Variants in ZNF667 observed in about 807,000 individuals in gnomAD.
ZNF667 encodes the protein zinc finger protein 667.
A neutral mutation model predicts 31.8 loss-of-function variants in ZNF667; 13 were observed. The ratio of observed to expected loss-of-function variants is 0.41; its 90% CI spans 0.27 to 0.65. ZNF667 has a LOEUF of 0.65. Ranked by LOEUF, ZNF667 falls within the 30% of genes least tolerant of loss-of-function variation. The pLI, the probability that ZNF667 is intolerant of heterozygous loss-of-function variation, is 0.32. For missense variants in ZNF667, 642 were observed against 725.6 expected (o/e 0.88, Z 1.32); for synonymous variants, 228 against 247.1 (o/e 0.92, Z 0.73).
chr19:56,446,560 C>G (rs2042714857), intron 6 of ZNF667, among the ~76,000 whole-genome samples: 1 of 152,182 alleles, frequency 6.6e-6, no homozygotes, highest in Non-Finnish European at 1.5e-5. Context: ...AGTATATGAC[C>G]TGTTCACCTT....
Position 56,441,200 on chromosome 19 carries a change from T to G in ZNF667, c.1795A>C (p.Ile599Leu). The part of the protein sequence containing the change: ...GKAYSRSSSL[I>L]RHQNTHSEEK... ...TCAGAATGTGTATTCTGATGTCGAA[T>G]CAGGGATGAACTCCGACTATATGCC... The change falls in exon 7 of 7, where the codon ATT becomes CTT. Residue 599 changes from isoleucine to leucine, a missense_variant. Ile to Leu is a conservative substitution (Grantham distance 5). Coordinates refer to ENST00000504904, the MANE Select transcript of ZNF667 (RefSeq NM_001321356.2). The surrounding 1 kb of genome is among the most constrained non-coding windows in gnomAD (Gnocchi z 4.2). The G allele has an allele frequency of 6.2e-7, 1 of 1,613,212 alleles. No individual in the cohort carries two copies. The highest frequency in any genetic ancestry group is 2.2e-5 in the East Asian group (1 of 44,848).
chr19:56,455,550 T>C (rs1023009333), intron 6 of ZNF667, among the ~76,000 whole-genome samples: 4 of 152,172 alleles, frequency 2.6e-5, no homozygotes, highest in East Asian at 3.9e-4. Context: ...TCTCACTCAT[T>C]TGTGGGAGCT....
At chr19:56,442,770 C>A in intron 6 of ZNF667, 29 bp from the exon 7 acceptor site, 1 of 1,494,780 alleles carries the variant, frequency 6.7e-7, no homozygotes. Context: ...TTAAATGTTT[C>A]TCCTTTTCCA....
intron 6 of ZNF667, among the ~76,000 whole-genome samples, chr19:56,454,640 T>C (rs997967192): frequency 3.4e-5 from 4 of 118,530 alleles, no homozygotes; most frequent in Middle Eastern, 5.4e-3. Context: ...CAGAAGACAC[T>C]AGACTCCAAT....
At chr19:56,470,081 A>C (rs941533655) in intron 3 of ZNF667, 2 of 455,146 alleles carry the variant, frequency 4.4e-6, no homozygotes, top group African/African-American at 4.0e-5. Flanking sequence ...ACCTTGGGCA[A>C]GTTACTGAAC....
chr19:56,441,677 C>G lies in ZNF667; in HGVS notation c.1318G>C (p.Glu440Gln). 1 of 1,614,096 alleles carries G rather than the reference C, an allele frequency of 6.2e-7. No homozygotes were observed. Among genetic ancestry groups the G allele is most frequent in the Non-Finnish European group, 8.5e-7 (1 of 1,180,028 alleles). Residue 440 changes from glutamate to glutamine, a missense_variant, in exon 7 of 7, where the codon GAG becomes CAG. Transcript: ENST00000504904. The surrounding 1 kb of genome is among the most constrained non-coding windows in gnomAD (Gnocchi z 4.2). Reference protein sequence around the residue: ...LKIHQNIHSEEKPFKCNKCSK... With the variant: ...LKIHQNIHSEQKPFKCNKCSK... ...CATTTATTGCATTTGAAAGGTTTCT[C>G]TTCAGAATGAATATTCTGATGTATT...
intron 3 of ZNF667, chr19:56,469,854 T>C: frequency 2.2e-6 from 1 of 447,984 alleles, no homozygotes; most frequent in Non-Finnish European, 4.5e-6. Context: ...AATGACTGAA[T>C]GGCTTTGTAA....
At chr19:56,471,670 A>G (rs1022946031) in intron 3 of ZNF667, 29 bp downstream of exon 3, 11 of 152,340 alleles carry the variant, frequency 7.2e-5, no homozygotes, top group South Asian at 2.1e-4. Context: ...GTTTGTGTTA[A>G]TGTAAAAATC....
intron 1 of ZNF667, 68 bp from the exon 2 acceptor site, chr19:56,474,192 G>A (rs956116277): frequency 1.3e-5 from 2 of 152,312 alleles, no homozygotes; most frequent in Admixed American, 1.3e-4. Flanking sequence ...GCAAATAACT[G>A]AGGGGCCTTC....
At chr19:56,451,579 C>CA (rs1215603169) in intron 6 of ZNF667, among the ~76,000 whole-genome samples, 1 of 151,486 alleles carries the variant, frequency 6.6e-6, no homozygotes, top group Admixed American at 6.6e-5. Flanking sequence ...CTTAAAAATC[C>CA]AAAAAAAAGC....
At chr19:56,459,573 C>G (rs1359225261) in intron 5 of ZNF667, among the ~76,000 whole-genome samples, 1 of 152,182 alleles carries the variant, frequency 6.6e-6, no homozygotes, top group Non-Finnish European at 1.5e-5. Context: ...GCTAAAAACC[C>G]CAAACTCTTC....
At chr19:56,448,603 G>A (rs946691771) in intron 6 of ZNF667, among the ~76,000 whole-genome samples, 7 of 150,546 alleles carry the variant, frequency 4.6e-5, no homozygotes, top group South Asian at 4.2e-4. Context: ...TAAAGAGGAC[G>A]TTGTCTTGCA....
At chr19:56,450,897 A>C (rs1047659753) in intron 6 of ZNF667, among the ~76,000 whole-genome samples, 15 of 152,190 alleles carry the variant, frequency 9.9e-5, no homozygotes, top group Admixed American at 3.3e-4. Flanking sequence ...TAATTCAAGA[A>C]ATCACTTTCA....
chr19:56,460,852 T>G, intron 4 of ZNF667, 37 bp from the exon 5 acceptor site: 1 of 1,538,962 alleles, frequency 6.5e-7, no homozygotes, highest in Non-Finnish European at 8.8e-7. Context: ...CACCATGGAC[T>G]TGTGCTTCCA....
chr19:56,452,920 A>G (rs996241624), intron 6 of ZNF667, among the ~76,000 whole-genome samples: 1 of 149,400 alleles, frequency 6.7e-6, no homozygotes, highest in Non-Finnish European at 1.5e-5. Context: ...CTCTGTCTCA[A>G]AAAAAAAAAA....
intron 3 of ZNF667, among the ~76,000 whole-genome samples, chr19:56,463,010 G>A (rs1364944792): frequency 6.6e-6 from 1 of 152,134 alleles, no homozygotes; most frequent in African/African-American, 2.4e-5. Flanking sequence ...GCAGGTGTCA[G>A]CGTCATGGGT....
At chr19:56,469,745 A>T (rs1353720794) in intron 3 of ZNF667, among the ~76,000 whole-genome samples, 1 of 152,188 alleles carries the variant, frequency 6.6e-6, no homozygotes, top group African/African-American at 2.4e-5. Flanking sequence ...TTTGCTTATT[A>T]TGCTTACTGT....
At chr19:56,455,200 G>A (rs2042906921) in intron 6 of ZNF667, among the ~76,000 whole-genome samples, 1 of 152,088 alleles carries the variant, frequency 6.6e-6, no homozygotes, top group African/African-American at 2.4e-5. Flanking sequence ...ATGGAGAAAG[G>A]GGAACCCTCG....
At chr19:56,451,314 A>T (rs1472132744) in intron 6 of ZNF667, among the ~76,000 whole-genome samples, 1 of 152,196 alleles carries the variant, frequency 6.6e-6, no homozygotes, top group Non-Finnish European at 1.5e-5. Flanking sequence ...TGGAGCACCG[A>T]GATACATAAA....
Sources: gnomAD v4.1 joint callset for allele counts (sites outside exome capture counted in the v4.1 genomes callset) on GRCh38, gnomAD v4.1.1 for gene constraint, Gnocchi (gnomAD v3.1) non-coding constraint, MANE v1.5 for transcripts, NCBI Gene and HGNC (gene_info 2026-07-23, HGNC 2026-07-21) for gene names.